Variants in UNC13B observed in about 807,000 individuals in gnomAD.
UNC13B encodes the protein unc-13 homolog B.
UNC13B carries 144 observed loss-of-function variants against 211.0 expected under a neutral mutation model. The ratio of observed to expected loss-of-function variants is 0.68; its 90% CI spans 0.60 to 0.78. The LOEUF (loss-of-function observed/expected upper bound fraction) is 0.78, where lower values mean the gene tolerates loss of function less well. Among genes scored for constraint, UNC13B ranks in the 30% least tolerant of loss-of-function variants. The pLI, the probability that UNC13B is intolerant of heterozygous loss-of-function variation, is 0.00. For missense variants in UNC13B, 1,777 were observed against 2,002.0 expected, an observed-to-expected ratio of 0.89 and a Z score of 2.14; for synonymous variants, 709 against 725.8, an observed-to-expected ratio of 0.98 and a Z score of 0.37.
In UNC13B at chr9:35,400,436, C is replaced by A; in HGVS notation, c.12477C>A (p.Thr4159=). 1 of 1,613,166 alleles carries A rather than the reference C, an allele frequency of 6.2e-7. No individual in the cohort carries two copies. The highest frequency in any genetic ancestry group is 8.5e-7 in the Non-Finnish European group (1 of 1,179,554). Residue 4159 remains threonine, a synonymous_variant, in exon 37 of 40, where the codon ACC becomes ACA. Coordinates refer to ENST00000635942, the MANE Select transcript of UNC13B (RefSeq NM_001371189.2). ...TLIKTFVRSQ[T]TQGSGVDDPV... ...TCAAGACCTTTGTGCGCTCGCAGACCACCCAAGGTAAGGCCCTGAGGGCTT... is the reference window on the plus strand; with the variant it reads ...TCAAGACCTTTGTGCGCTCGCAGACAACCCAAGGTAAGGCCCTGAGGGCTT...
intron 1 of UNC13B, among the ~76,000 whole-genome samples, chr9:35,209,718 A>G (rs1823862497): frequency 6.6e-6 from 1 of 152,208 alleles, no homozygotes; most frequent in Non-Finnish European, 1.5e-5. Flanking sequence ...ATATAGTTCT[A>G]TACATTGCTG....
chr9:35,381,164 G>A lies in UNC13B; in HGVS notation c.10440G>A (p.Lys3480=). 6.2e-7 allele frequency: 1 copy of A among 1,614,178 alleles called. No individual in the cohort carries two copies. Among genetic ancestry groups the A allele is most frequent in the Non-Finnish European group, 8.5e-7 (1 of 1,180,032 alleles). ...GACTACAAATCAGTGTGGAGATCAA[G>A]GGGGAGGAGAAAGTAGCCCCATACC... ...AIRLQISVEI[K]GEEKVAPYHV... The change falls in exon 19 of 40, where the codon AAG becomes AAA. Residue 3480 remains lysine (K), a synonymous_variant. Transcript: ENST00000635942.
At position 35,208,572 on chromosome 9, in the gene UNC13B, C is replaced by T. The variant is rs184105270; in HGVS notation, c.23-19443C>T. On this transcript the variant is annotated intron_variant, in intron 1 of 39. Transcript: ENST00000635942. ...GGAAACCTACAATCATGGTGGAAGG[C>T]GAAAGGGAGGCAGAGACATCTTACA... 1.2e-3 allele frequency among the ~76,000 whole-genome samples: 185 copies of T among 152,212 alleles called. 2 individuals are homozygous for T. The East Asian group carries it at 0.021, about 17-fold the overall frequency.
intron 1 of UNC13B, among the ~76,000 whole-genome samples, chr9:35,189,730 CGTG>C: frequency 6.6e-6 from 1 of 152,268 alleles, no homozygotes; most frequent in East Asian, 1.9e-4. Context: ...AGTGCAAAGG[CGTG>C]ATCCCGGCTC....
At chr9:35,297,086 G>GAT (rs895011335) in intron 8 of UNC13B, among the ~76,000 whole-genome samples, 2 of 144,196 alleles carry the variant, frequency 1.4e-5, no homozygotes, top group African/African-American at 5.0e-5. Flanking sequence ...GGTCTTTTAA[G>GAT]AAGCTTTTTT....
At position 35,398,607 on chromosome 9, in the gene UNC13B, G is replaced by T; in HGVS notation, c.11886G>T (p.Thr3962=). The change falls in exon 32 of 40, where the codon ACG becomes ACT. Residue 3962 remains threonine, a synonymous_variant. Coordinates refer to ENST00000635942, the MANE Select transcript of UNC13B (RefSeq NM_001371189.2). ...AGGAGCTGCAGGTGAAACTGAATAC[G>T]GTTCTGGATGAGCTCAGCATGGTGT... ...SLKELQVKLN[T]VLDELSMVFG... The T allele has an allele frequency of 1.2e-6, 2 of 1,614,024 alleles. No individual in the cohort carries two copies.
intron 11 of UNC13B, chr9:35,352,385 C>T: frequency 2.4e-6 from 3 of 1,232,158 alleles, no homozygotes; most frequent in South Asian, 8.2e-5. Context: ...CTTCATCTTG[C>T]AGAAATCCAT....
chr9:35,380,335 GTA>G, intron 17 of UNC13B, 133 bp from the exon 18 acceptor site: 1 of 948,276 alleles, frequency 1.1e-6, no homozygotes, highest in South Asian at 1.8e-5. Context: ...TGGAACTTTT[GTA>G]CTGCTGTCCT....
At chr9:35,330,042 G>C (rs1831279963) in intron 11 of UNC13B, among the ~76,000 whole-genome samples, 1 of 152,120 alleles carries the variant, frequency 6.6e-6, no homozygotes, top group African/African-American at 2.4e-5. Flanking sequence ...AAAATTTAGG[G>C]CTGGATAGAA....
At position 35,228,681 on chromosome 9, in the gene UNC13B, T is replaced by C. The variant is rs1011150446; in HGVS notation, c.52+637T>C. 3.3e-5 allele frequency among the ~76,000 whole-genome samples: 5 copies of C among 150,838 alleles called. No homozygotes were observed. In the Admixed American group the frequency reaches 3.3e-4, roughly 10 times the overall value. ...AAACATATCTTATGCAACCTGCTTT[T>C]CCCCCAGCAACACATCATGAAAGTG... On this transcript the variant is annotated intron_variant, in intron 2 of 39. Transcript: ENST00000635942.
intron 8 of UNC13B, among the ~76,000 whole-genome samples, chr9:35,297,248 C>G (rs1829411317): frequency 6.6e-6 from 1 of 151,810 alleles, no homozygotes; most frequent in Non-Finnish European, 1.5e-5. Flanking sequence ...GCCACCATGC[C>G]CGGCTAATTT....
intron 1 of UNC13B, among the ~76,000 whole-genome samples, chr9:35,172,066 C>G (rs553579327): frequency 6.6e-6 from 1 of 151,546 alleles, no homozygotes; most frequent in Non-Finnish European, 1.5e-5. Flanking sequence ...TGGGGTCTCA[C>G]TATGCTGTCC....
At chr9:35,224,035 C>T (rs1251326637) in intron 1 of UNC13B, among the ~76,000 whole-genome samples, 1 of 152,112 alleles carries the variant, frequency 6.6e-6, no homozygotes, top group Non-Finnish European at 1.5e-5. Context: ...CAGTAGTAAC[C>T]TGCTTTGGTT....
intron 1 of UNC13B, among the ~76,000 whole-genome samples, chr9:35,166,071 AT>A (rs138500221): frequency 0.058 from 8,764 of 152,082 alleles, 828 homozygotes; most frequent in African/African-American, 0.2. Flanking sequence ...TTAACTATGG[AT>A]TTTTTTCCCC....
chr9:35,348,368 C>T (rs1046933220), intron 11 of UNC13B, among the ~76,000 whole-genome samples: 7 of 152,210 alleles, frequency 4.6e-5, no homozygotes, highest in South Asian at 2.1e-4. Flanking sequence ...GAGAGACGGC[C>T]GGCCTCCTGA....
In UNC13B at chr9:35,386,284, G is replaced by T; in HGVS notation, c.11085G>T (p.Gln3695His). Reference protein sequence around the residue: ...FNNCHDLYSRQYQLKQELPPE... With the variant: ...FNNCHDLYSRHYQLKQELPPE... Reference sequence around the variant, plus strand: ...ACTGCCACGACTTATACAGCCGCCAGTACCAGCTGGTAAGAGGTTCAGGAT... The same window carrying T: ...ACTGCCACGACTTATACAGCCGCCATTACCAGCTGGTAAGAGGTTCAGGAT... The change falls in exon 24 of 40, where the codon CAG becomes CAT. Residue 3695 changes from glutamine to histidine, a missense_variant. Transcript: ENST00000635942. 6.2e-7 allele frequency: 1 copy of T among 1,614,118 alleles called. No homozygotes were observed. Among genetic ancestry groups the T allele is most frequent in the Non-Finnish European group, 8.5e-7 (1 of 1,179,980 alleles).
intron 17 of UNC13B, 136 bp from the exon 18 acceptor site, chr9:35,380,334 T>C: frequency 4.2e-6 from 4 of 943,122 alleles, no homozygotes; most frequent in Non-Finnish European, 6.2e-6. Context: ...TTGGAACTTT[T>C]GTACTGCTGT....
At chr9:35,278,484 T>C (rs565171109) in intron 7 of UNC13B, among the ~76,000 whole-genome samples, 1 of 152,290 alleles carries the variant, frequency 6.6e-6, no homozygotes, top group East Asian at 1.9e-4. Context: ...CCAGCTGGCC[T>C]CCACTCTGCA....
chr9:35,203,523 A>G (rs1196662306), intron 1 of UNC13B, among the ~76,000 whole-genome samples: 1 of 152,136 alleles, frequency 6.6e-6, no homozygotes, highest in South Asian at 2.1e-4. Context: ...CTGCCAAGAG[A>G]TCTGCTGTTA....
Sources: allele counts gnomAD v4.1 joint callset (sites outside exome capture counted in the v4.1 genomes callset), GRCh38; gene constraint gnomAD v4.1.1; transcripts MANE v1.5; gene names NCBI Gene and HGNC (gene_info 2026-07-23, HGNC 2026-07-21).